Variants in HORMAD1 observed in about 807,000 individuals in gnomAD.
The protein encoded by HORMAD1 is HORMA domain-containing protein 1.
Under a neutral mutation model 58.2 loss-of-function variants are expected in HORMAD1, and 33 were observed. That is an observed-to-expected ratio of 0.57 (90% CI 0.43 to 0.76). HORMAD1 has a LOEUF of 0.76. HORMAD1 is among the 30% of genes least tolerant of loss of function. The pLI is 0.00. For synonymous variants in HORMAD1, 137 were observed against 144.6 expected, an observed-to-expected ratio of 0.95 and a Z score of 0.38; for missense variants, 363 against 462.0, an observed-to-expected ratio of 0.79 and a Z score of 1.96.
intron 12 of HORMAD1, 121 bp from the exon 13 acceptor site, chr1:150,703,514 A>G: frequency 3.4e-6 from 2 of 590,570 alleles, no homozygotes; most frequent in South Asian, 4.5e-5. Context: ...GTTAAAACCA[A>G]TAATTTTGAG....
chr1:150,710,567 T>G (rs1651843598), intron 7 of HORMAD1, among the ~76,000 whole-genome samples: 1 of 152,182 alleles, frequency 6.6e-6, no homozygotes, highest in Admixed American at 6.5e-5. Flanking sequence ...TAAATGAACA[T>G]TTTCTGAACA....
chr1:150,708,767 A>T (rs1651773087), intron 8 of HORMAD1, 127 bp downstream of exon 8: 6 of 580,570 alleles, frequency 1.0e-5, no homozygotes, highest in Non-Finnish European at 1.8e-5. Context: ...CATTTTGCAT[A>T]GCCACATCTT....
chr1:150,703,973 C>A, intron 12 of HORMAD1, 145 bp downstream of exon 12: 1 of 573,888 alleles, frequency 1.7e-6, no homozygotes. Context: ...ATATAATTTC[C>A]AGATTTAGTT....
intron 1 of HORMAD1, among the ~76,000 whole-genome samples, chr1:150,720,165 C>A (rs1043845591): frequency 2.6e-5 from 4 of 152,086 alleles, no homozygotes; most frequent in Admixed American, 1.3e-4. Flanking sequence ...ACCTCCCCCT[C>A]TGGGTTCAAG....
chr1:150,704,018 A>T, intron 12 of HORMAD1, 100 bp downstream of exon 12: 1 of 732,954 alleles, frequency 1.4e-6, no homozygotes, highest in Non-Finnish European at 2.2e-6. Context: ...ATTTTATTCT[A>T]AAAGACCTGG....
chr1:150,709,569 T>C (rs934742756), intron 7 of HORMAD1, among the ~76,000 whole-genome samples: 1 of 152,096 alleles, frequency 6.6e-6, no homozygotes, highest in Non-Finnish European at 1.5e-5. Flanking sequence ...TTTCTCCCCA[T>C]GTGATAGTCT....
At chr1:150,718,425 C>T (rs1353798091) in intron 2 of HORMAD1, among the ~76,000 whole-genome samples, 1 of 149,580 alleles carries the variant, frequency 6.7e-6, no homozygotes, top group African/African-American at 2.5e-5. Context: ...CTCAAGCAAT[C>T]CTCTCACCTC....
chr1:150,707,631 C>A (rs587678110), intron 9 of HORMAD1, among the ~76,000 whole-genome samples: 27 of 152,286 alleles, frequency 1.8e-4, no homozygotes, highest in African/African-American at 6.0e-4. Context: ...TACAGTCCCT[C>A]GCGTGTACAA....
chr1:150,705,700 C>T (rs1557796406), intron 10 of HORMAD1, among the ~76,000 whole-genome samples: 1 of 152,062 alleles, frequency 6.6e-6, no homozygotes, highest in Non-Finnish European at 1.5e-5. Context: ...AACACCTCAG[C>T]CATATTTGTT....
chr1:150,714,953 T>C (rs1194756981), intron 3 of HORMAD1, among the ~76,000 whole-genome samples: 2 of 151,900 alleles, frequency 1.3e-5, no homozygotes, highest in African/African-American at 2.4e-5. Flanking sequence ...CCGGCTAATT[T>C]TTGTATTTTT....
intron 14 of HORMAD1, among the ~76,000 whole-genome samples, chr1:150,699,317 T>A (rs1418514333): frequency 6.6e-6 from 1 of 152,138 alleles, no homozygotes; most frequent in Non-Finnish European, 1.5e-5. Flanking sequence ...CAGGAAAATA[T>A]TTTTTTCTCC....
chr1:150,716,248 C>T (rs761532519), intron 3 of HORMAD1, among the ~76,000 whole-genome samples: 5 of 149,042 alleles, frequency 3.4e-5, no homozygotes, highest in Admixed American at 1.3e-4. Context: ...CTGCAACCTC[C>T]GCCTCCCGGG....
At chr1:150,714,175 G>C (rs1026495944) in intron 4 of HORMAD1, 54 bp from the exon 5 acceptor site, 3 of 1,084,570 alleles carry the variant, frequency 2.8e-6, no homozygotes, top group Non-Finnish European at 4.1e-6. Flanking sequence ...CCAGAAAATA[G>C]TTATTTTCAT....
At position 150,711,553 on chromosome 1, in the gene HORMAD1, C is replaced by T; in HGVS notation, c.319G>A (p.Asp107Asn). The change falls in exon 7 of 15, where the codon GAT becomes AAT. Residue 107 changes from aspartate to asparagine, a missense_variant. Physicochemically the swap from Asp to Asn is conservative, Grantham distance 23 (BLOSUM62 1). Around this residue, in one of 3 missense-constraint regions of HORMAD1, gnomAD observed 128 missense variants for 171.8 expected, o/e 0.74. Coordinates refer to ENST00000361824, the MANE Select transcript of HORMAD1 (RefSeq NM_032132.5). ...VVLAVYTNPE[D>N]PQTISECYQF... ...AACTCAAGCACACTTACCTGAGGAT[C>T]TTCTGGGTTTGTGTATACCTATTTA... The T allele has an allele frequency of 6.2e-7, 1 of 1,601,816 alleles. No individual in the cohort carries two copies. Among genetic ancestry groups the T allele is most frequent in the Non-Finnish European group, 8.6e-7 (1 of 1,169,384 alleles).
At chr1:150,706,347 T>TG (rs1295938460) in intron 10 of HORMAD1, among the ~76,000 whole-genome samples, 17 of 152,196 alleles carry the variant, frequency 1.1e-4, no homozygotes, top group African/African-American at 3.6e-4. Context: ...CCAGAATAGT[T>TG]GTGCTTTTAA....
intron 7 of HORMAD1, 102 bp downstream of exon 7, chr1:150,711,443 A>T (rs1651899551): frequency 2.3e-6 from 2 of 878,376 alleles, no homozygotes; most frequent in East Asian, 5.0e-5. Flanking sequence ...AAGTATATTG[A>T]TTAAAGCATA....
chr1:150,699,024 A>G (rs1196878851), intron 14 of HORMAD1: 2 of 221,720 alleles, frequency 9.0e-6, no homozygotes, highest in East Asian at 1.9e-4. Flanking sequence ...AATATTTCAG[A>G]GCAATAAGAA....
chr1:150,712,961 C>A (rs1048929952), intron 5 of HORMAD1, among the ~76,000 whole-genome samples: 11 of 152,190 alleles, frequency 7.2e-5, no homozygotes, highest in Non-Finnish European at 1.3e-4. Context: ...CTTATCTGCC[C>A]AGGCTCATCT....
rs1398822726 is a variant in HORMAD1, at chr1:150,706,758, C to G, written c.599G>C (p.Gly200Ala). The G allele has an allele frequency of 6.2e-7, 1 of 1,613,314 alleles. No individual in the cohort carries two copies. Among genetic ancestry groups the G allele is most frequent in the Non-Finnish European group, 8.5e-7 (1 of 1,179,464 alleles). The stretch of plus-strand genomic sequence containing the variant: ...CATAGGTTCCCCTTCAAATATAACT[C>G]CTTCACAATCACCATCCTTAAAACC... Reference protein sequence around the residue: ...PPGFKDGDCEGVIFEGEPMYL... With the variant: ...PPGFKDGDCEAVIFEGEPMYL... Residue 200 changes from glycine to alanine, a missense_variant, in exon 10 of 15, where the codon GGA becomes GCA. Physicochemically the swap from Gly to Ala is moderately conservative, Grantham distance 60. Transcript: ENST00000361824.
Sources: gnomAD v4.1 joint callset for allele counts (sites outside exome capture counted in the v4.1 genomes callset) on GRCh38, gnomAD v4.1.1 for gene constraint, gnomAD v4.1.1 regional missense constraint, MANE v1.5 for transcripts, NCBI Gene and HGNC (gene_info 2026-07-23, HGNC 2026-07-21) for gene names.